Variants in DHRSX observed in about 807,000 individuals in gnomAD.
DHRSX encodes dehydrogenase/reductase X-linked, also known as polyprenol dehydrogenase.
A neutral mutation model predicts 34.0 loss-of-function variants in DHRSX; 31 were observed. That is an observed-to-expected ratio of 0.91 (90% CI 0.69 to 1.23). DHRSX has a LOEUF of 1.23. Among genes scored for constraint, DHRSX ranks in the 50% most tolerant of loss-of-function variants. The probability of loss-of-function intolerance (pLI) is 0.00; values close to 1 mark genes in which losing one functional copy is unlikely to be tolerated. For synonymous variants in DHRSX, 201 were observed against 183.8 expected (o/e 1.09, Z -0.76); for missense variants, 414 against 428.1 (o/e 0.97, Z 0.29).
At chrX:2,441,477 TAGAG>T (rs1182471012) in intron 1 of DHRSX, among the ~76,000 whole-genome samples, 1 of 151,610 alleles carries the variant, frequency 6.6e-6, no homozygotes. Flanking sequence ...GATATATATA[TAGAG>T]AGAAAGAGAT....
chrX:2,238,907 AATGC>A (rs762797349), intron 6 of DHRSX, among the ~76,000 whole-genome samples: 1 of 151,898 alleles, frequency 6.6e-6, no homozygotes. Context: ...CTTAATATAC[AATGC>A]ATGCATGCAT....
intron 1 of DHRSX, among the ~76,000 whole-genome samples, chrX:2,461,327 C>T (rs1425314737): frequency 6.6e-6 from 1 of 152,226 alleles, no homozygotes; most frequent in African/African-American, 2.4e-5. Context: ...GGCAATCGTT[C>T]CTTCTGCATC....
At chrX:2,225,973 G>C (rs2015650412) in intron 6 of DHRSX, among the ~76,000 whole-genome samples, 1 of 151,802 alleles carries the variant, frequency 6.6e-6, no homozygotes, top group Admixed American at 6.6e-5. Context: ...GACCCTGTGA[G>C]GACACAGTGA....
At chrX:2,245,375 C>G (rs1345315616) in intron 5 of DHRSX, among the ~76,000 whole-genome samples, 5 of 151,984 alleles carry the variant, frequency 3.3e-5, no homozygotes. Flanking sequence ...GTGGCACAAT[C>G]TTGGCTCACT....
intron 1 of DHRSX, among the ~76,000 whole-genome samples, chrX:2,496,263 A>G (rs1009189633): frequency 1.3e-5 from 2 of 152,124 alleles, no homozygotes; most frequent in African/African-American, 4.8e-5. Context: ...CAGTGGCGCA[A>G]TCTTGGCTGA....
chrX:2,439,336 G>A (rs139319765), intron 1 of DHRSX, among the ~76,000 whole-genome samples: 6 of 152,102 alleles, frequency 3.9e-5, no homozygotes, highest in African/African-American at 1.4e-4. Flanking sequence ...ATTACAGAAT[G>A]TATATACATA....
chrX:2,490,472 G>T, intron 1 of DHRSX: 14 of 1,613,994 alleles, frequency 8.7e-6, no homozygotes, highest in Non-Finnish European at 1.2e-5. Context: ...CATCTGCTCC[G>T]TGTTGCTCTT....
chrX:2,398,663 C>A (rs2043443576), intron 3 of DHRSX, among the ~76,000 whole-genome samples: 1 of 140,666 alleles, frequency 7.1e-6, no homozygotes, highest in African/African-American at 2.8e-5. Context: ...ACGTTAAATG[C>A]ATATTCCTTT....
At chrX:2,371,462 C>CTT (rs1472722510) in intron 3 of DHRSX, among the ~76,000 whole-genome samples, 1,683 of 149,554 alleles carry the variant, frequency 0.011, 46 homozygotes, top group African/African-American at 0.04. Flanking sequence ...ATAGTCCCTC[C>CTT]TCGTTACCAT....
intron 3 of DHRSX, among the ~76,000 whole-genome samples, chrX:2,308,090 G>A (rs1021946821): frequency 6.6e-6 from 1 of 152,126 alleles, no homozygotes; most frequent in Admixed American, 6.5e-5. Context: ...TTAGAGAAAT[G>A]AAAGTTAGAG....
At chrX:2,402,868 A>G (rs1460163686) in intron 3 of DHRSX, among the ~76,000 whole-genome samples, 1 of 135,200 alleles carries the variant, frequency 7.4e-6, no homozygotes, top group African/African-American at 2.8e-5. Context: ...TTCCAATTAC[A>G]CCTTTAATTG....
At chrX:2,457,984 G>A (rs191208285) in intron 1 of DHRSX, among the ~76,000 whole-genome samples, 8 of 149,584 alleles carry the variant, frequency 5.3e-5, no homozygotes, top group African/African-American at 1.7e-4. Context: ...AGGGACCACC[G>A]CAGTGTGCAC....
At chrX:2,236,290 C>T (rs1377528747) in intron 6 of DHRSX, among the ~76,000 whole-genome samples, 1 of 151,914 alleles carries the variant, frequency 6.6e-6, no homozygotes, top group African/African-American at 2.4e-5. Flanking sequence ...GAGGTTTTGG[C>T]GCAGGCCTGA....
At chrX:2,313,579 G>C (rs987558287) in intron 3 of DHRSX, among the ~76,000 whole-genome samples, 2 of 152,030 alleles carry the variant, frequency 1.3e-5, no homozygotes, top group Non-Finnish European at 2.9e-5. Context: ...ATGTTGGCCA[G>C]GATGGTCTCG....
At chrX:2,316,793 C>A (rs1298945135) in intron 3 of DHRSX, among the ~76,000 whole-genome samples, 3 of 152,146 alleles carry the variant, frequency 2.0e-5, no homozygotes, top group Non-Finnish European at 4.4e-5. Flanking sequence ...GGCAAAAATT[C>A]AAAAACTTGC....
At chrX:2,489,508 G>GA (rs760326631) in intron 1 of DHRSX, 1 of 1,613,318 alleles carries the variant, frequency 6.2e-7, no homozygotes, top group South Asian at 1.1e-5. Context: ...CCACCTGCTT[G>GA]AAGGGCTGCA....
At chrX:2,371,266 A>G (rs186282203) in intron 3 of DHRSX, among the ~76,000 whole-genome samples, 1 of 138,844 alleles carries the variant, frequency 7.2e-6, no homozygotes, top group Non-Finnish European at 1.5e-5. Context: ...ATTACCATAG[A>G]CCCTTCTACT....
At chrX:2,407,068 G>A (rs2043564406) in intron 3 of DHRSX, among the ~76,000 whole-genome samples, 2 of 152,136 alleles carry the variant, frequency 1.3e-5, no homozygotes, top group African/African-American at 2.4e-5. Context: ...TATACCTGAT[G>A]GAATACTATG....
chrX:2,468,464 T>C (rs1373852407), intron 1 of DHRSX, among the ~76,000 whole-genome samples: 4 of 131,544 alleles, frequency 3.0e-5, no homozygotes, highest in Admixed American at 7.4e-5. Flanking sequence ...ACAAAAGCAG[T>C]TTACAGGATG....
Sources: gnomAD v4.1 joint callset for allele counts (sites outside exome capture counted in the v4.1 genomes callset) on GRCh38, gnomAD v4.1.1 for gene constraint, MANE v1.5 for transcripts, NCBI Gene and HGNC (gene_info 2026-07-23, HGNC 2026-07-21) for gene names.